THSD7B: variants seen among roughly 807,000 people sequenced by gnomAD.
THSD7B encodes the protein thrombospondin type 1 domain containing 7B.
In THSD7B, 138 loss-of-function variants were observed where a neutral mutation model predicts 213.6. The ratio of observed to expected loss-of-function variants is 0.65; its 90% confidence interval spans 0.56 to 0.74. The LOEUF is 0.74. Among genes scored for constraint, THSD7B ranks in the 30% least tolerant of loss-of-function variants. The probability of loss-of-function intolerance (pLI) is 0.00; values close to 1 mark genes in which losing one functional copy is unlikely to be tolerated. For missense variants in THSD7B, 1,931 were observed against 1,991.5 expected (o/e 0.97, Z 0.58); for synonymous variants, 742 against 687.0 (o/e 1.08, Z -1.25).
chr2:136,766,118 G>C (rs1558798123), intron 1 of THSD7B, among the ~76,000 whole-genome samples: 1 of 152,230 alleles, frequency 6.6e-6, no homozygotes, highest in Admixed American at 6.5e-5. Context: ...GCCCAAAATC[G>C]AAAGGCCGGG....
intron 17 of THSD7B, among the ~76,000 whole-genome samples, chr2:137,611,025 A>ATAAAG: frequency 6.7e-6 from 1 of 149,874 alleles, no homozygotes; most frequent in South Asian, 2.1e-4. Flanking sequence ...ATAAAATAAA[A>ATAAAG]AATAAAAAAG....
chr2:137,117,864 G>C (rs1206745741), intron 5 of THSD7B, among the ~76,000 whole-genome samples: 1 of 152,150 alleles, frequency 6.6e-6, no homozygotes, highest in African/African-American at 2.4e-5. Flanking sequence ...TCTTGGCCTA[G>C]GCTGGATGCT....
chr2:137,055,006 C>T (rs1298861430), intron 2 of THSD7B, among the ~76,000 whole-genome samples: 1 of 152,090 alleles, frequency 6.6e-6, no homozygotes, highest in African/African-American at 2.4e-5. Context: ...TGTTCAACTC[C>T]CACTTATGAG....
At chr2:137,669,394 T>C (rs1464084491) in intron 27 of THSD7B, among the ~76,000 whole-genome samples, 2 of 130,850 alleles carry the variant, frequency 1.5e-5, no homozygotes, top group Admixed American at 7.7e-5. Context: ...CCTGTTGTTG[T>C]AGTGAAAAGT....
At chr2:137,472,874 G>T (rs540734121) in intron 15 of THSD7B, among the ~76,000 whole-genome samples, 8 of 152,022 alleles carry the variant, frequency 5.3e-5, no homozygotes, top group Non-Finnish European at 2.9e-5. Context: ...TTCTGACATC[G>T]TATATTGGTC....
chr2:137,660,608 C>A (rs1054871841), intron 25 of THSD7B, among the ~76,000 whole-genome samples: 1 of 152,180 alleles, frequency 6.6e-6, no homozygotes, highest in Non-Finnish European at 1.5e-5. Context: ...TGTAGCTTTT[C>A]ACCAACTCTC....
intron 15 of THSD7B, among the ~76,000 whole-genome samples, chr2:137,522,367 A>T (rs1680201456): frequency 6.6e-6 from 1 of 152,178 alleles, no homozygotes; most frequent in African/African-American, 2.4e-5. Context: ...CAATGTATTT[A>T]TCTTAAAATT....
chr2:137,590,505 A>G (rs528591397), intron 17 of THSD7B, among the ~76,000 whole-genome samples: 2 of 152,254 alleles, frequency 1.3e-5, no homozygotes, highest in South Asian at 4.1e-4. Context: ...ATGTGTCGCA[A>G]TGAGTATTTG....
At chr2:137,477,838 G>A (rs1479389689) in intron 15 of THSD7B, among the ~76,000 whole-genome samples, 2 of 151,370 alleles carry the variant, frequency 1.3e-5, no homozygotes, top group Non-Finnish European at 2.9e-5. Context: ...ATTTATGAAG[G>A]GTAACTTTGC....
intron 12 of THSD7B, among the ~76,000 whole-genome samples, chr2:137,276,950 G>A (rs1406098192): frequency 6.6e-6 from 1 of 151,922 alleles, no homozygotes; most frequent in Non-Finnish European, 1.5e-5. Context: ...GATCTACAGT[G>A]GCTTTGTGTA....
chr2:137,298,317 C>G (rs905149135), intron 12 of THSD7B, among the ~76,000 whole-genome samples: 3 of 152,070 alleles, frequency 2.0e-5, no homozygotes, highest in South Asian at 2.1e-4. Flanking sequence ...TTCTAAGTAG[C>G]AAAGCATTCA....
intron 15 of THSD7B, among the ~76,000 whole-genome samples, chr2:137,462,085 G>C (rs549188285): frequency 3.8e-4 from 58 of 152,018 alleles, no homozygotes; most frequent in Non-Finnish European, 7.7e-4. Context: ...AAAAATTCCA[G>C]AAATAAACAA....
chr2:137,587,251 A>G (rs1315177240), intron 17 of THSD7B, among the ~76,000 whole-genome samples: 2 of 152,048 alleles, frequency 1.3e-5, no homozygotes, highest in African/African-American at 4.8e-5. Flanking sequence ...TCTTTTTTCA[A>G]GGTTTTTAGC....
chr2:137,113,513 C>T (rs539569272), intron 4 of THSD7B, among the ~76,000 whole-genome samples: 8 of 151,886 alleles, frequency 5.3e-5, no homozygotes, highest in Non-Finnish European at 1.0e-4. Flanking sequence ...CTTGGCTCAC[C>T]GCACCCTCCG....
At chr2:137,519,572 C>T (rs1680140522) in intron 15 of THSD7B, among the ~76,000 whole-genome samples, 1 of 152,192 alleles carries the variant, frequency 6.6e-6, no homozygotes, top group Non-Finnish European at 1.5e-5. Flanking sequence ...TTTGGCGTAA[C>T]TACTTCAGAC....
intron 5 of THSD7B, among the ~76,000 whole-genome samples, chr2:137,121,485 C>T (rs887469487): frequency 8.5e-5 from 13 of 152,126 alleles, no homozygotes; most frequent in African/African-American, 3.1e-4. Context: ...ATGTGTGTTG[C>T]TGAAACTAAA....
rs990051053 is a variant in THSD7B at position 137,441,306 on chromosome 2, C to T, written c.2960-9539C>T. On this transcript the variant is annotated intron_variant, in intron 14 of 27. Transcript: ENST00000409968. The stretch of plus-strand genomic sequence containing the variant: ...AGAATTCTTAATCAATTTTCTGAGC[C>T]TCCCCAGCAGAACCTCCTCCTGTGG... 3.9e-5 allele frequency among the ~76,000 whole-genome samples: 6 copies of T among 152,070 alleles called. No homozygotes were observed. The East Asian group carries it at 1.2e-3, about 29-fold the overall frequency.
intron 3 of THSD7B, among the ~76,000 whole-genome samples, chr2:137,086,618 A>T (rs536431189): frequency 4.6e-5 from 7 of 152,292 alleles, no homozygotes; most frequent in African/African-American, 1.7e-4. Flanking sequence ...ACATTCATTG[A>T]TTCCAATTAT....
chr2:137,346,334 A>G (rs1684875412), intron 12 of THSD7B, among the ~76,000 whole-genome samples: 2 of 151,604 alleles, frequency 1.3e-5, no homozygotes, highest in African/African-American at 4.8e-5. Flanking sequence ...ATAATGCAAT[A>G]TATGTTTTAT....
Sources: gnomAD v4.1 joint callset for allele counts (sites outside exome capture counted in the v4.1 genomes callset) on GRCh38, gnomAD v4.1.1 for gene constraint, MANE v1.5 for transcripts, NCBI Gene and HGNC (gene_info 2026-07-23, HGNC 2026-07-21) for gene names.